GPM6A: variants seen among roughly 807,000 people sequenced by gnomAD.
GPM6A encodes glycoprotein M6A, also known as neuronal membrane glycoprotein M6-a.
A neutral mutation model predicts 32.1 loss-of-function variants in GPM6A; 7 were observed. That is an observed-to-expected ratio of 0.22 (90% CI 0.12 to 0.41). The LOEUF (loss-of-function observed/expected upper bound fraction) is 0.41, where lower values mean the gene tolerates loss of function less well. Ranked by LOEUF, GPM6A falls within the 10% of genes least tolerant of loss-of-function variation. GPM6A has a pLI of 1.00. For missense variants in GPM6A, 235 were observed against 347.2 expected, an observed-to-expected ratio of 0.68 and a Z score of 2.57; for synonymous variants, 130 against 123.4, an observed-to-expected ratio of 1.05 and a Z score of -0.35.
chr4:175,673,831 T>C lies in GPM6A; in HGVS notation c.236A>G (p.Asp79Gly). The C allele has an allele frequency of 6.3e-7, 1 of 1,591,454 alleles. No individual in the cohort carries two copies. Among genetic ancestry groups the C allele is most frequent in the Non-Finnish European group, 8.6e-7 (1 of 1,163,714 alleles). The change falls in exon 3 of 7, where the codon GAC (aspartate) becomes GGC (glycine). Residue 79 changes from aspartate to glycine, a missense_variant. Physicochemically the swap from Asp to Gly is moderately conservative, Grantham distance 94 (BLOSUM62 -1). Around this residue, in one of 3 missense-constraint regions of GPM6A, gnomAD observed 101 missense variants for 171.2 expected, o/e 0.59. Transcript: ENST00000393658. ...GDTLDVFTMI[D>G]IFKYVIYGIA... Reference sequence around the variant, plus strand: ...GCCGTAGATCACATACTTAAAGATGTCAATCCTGAGAGAAAAGACAAAGTG... The same window carrying C: ...GCCGTAGATCACATACTTAAAGATGCCAATCCTGAGAGAAAAGACAAAGTG...
At chr4:175,813,765 T>C (rs539336180), upstream of GPM6A, among the ~76,000 whole-genome samples, 82 of 152,304 alleles carry the variant, frequency 5.4e-4, no homozygotes, top group African/African-American at 1.9e-3. Context: ...AAAGCAGCTA[T>C]TTAGAGGAAA....
At chr4:175,693,148 C>T (rs1347536710) in intron 2 of GPM6A, among the ~76,000 whole-genome samples, 2 of 151,806 alleles carry the variant, frequency 1.3e-5, no homozygotes, top group Non-Finnish European at 2.9e-5. Flanking sequence ...TCTTGCTCTG[C>T]TATGCATTTC....
chr4:175,899,359 A>G (rs774834110), intron 1 of GPM6A, among the ~76,000 whole-genome samples: 2 of 152,228 alleles, frequency 1.3e-5, no homozygotes, highest in Admixed American at 1.3e-4. Context: ...AAAGATATAT[A>G]AATAGACAAT....
intron 1 of GPM6A, among the ~76,000 whole-genome samples, chr4:175,720,282 G>A (rs1026731439): frequency 6.6e-6 from 1 of 152,136 alleles, no homozygotes; most frequent in Non-Finnish European, 1.5e-5. Flanking sequence ...GCCTACATAT[G>A]AAAACCTGCA....
At chr4:175,936,565 A>C (rs1182972814) in intron 1 of GPM6A, among the ~76,000 whole-genome samples, 1 of 152,152 alleles carries the variant, frequency 6.6e-6, no homozygotes, top group African/African-American at 2.4e-5. Context: ...GAATTCATAA[A>C]TAAATAACTA....
chr4:175,760,895 AC>A (rs1376445901), intron 1 of GPM6A, among the ~76,000 whole-genome samples: 1 of 152,234 alleles, frequency 6.6e-6, no homozygotes, highest in Admixed American at 6.5e-5. Flanking sequence ...CATCTTGATG[AC>A]CACAGAATGA....
At chr4:175,990,473 A>G (rs34103959) in intron 1 of GPM6A, among the ~76,000 whole-genome samples, 22,891 of 152,134 alleles carry the variant, frequency 0.15, 1,868 homozygotes, top group East Asian at 0.24. Flanking sequence ...CAATGAAAGC[A>G]TAAGTCCTTT....
At chr4:175,966,809 T>A (rs1457911168) in intron 1 of GPM6A, among the ~76,000 whole-genome samples, 1 of 152,124 alleles carries the variant, frequency 6.6e-6, no homozygotes, top group East Asian at 1.9e-4. Flanking sequence ...TAAAAGAAAT[T>A]AAATCAATAA....
rs144407563 is a variant in GPM6A at position 175,762,358 on chromosome 4, T to A, written c.37+49833A>T. Among the ~76,000 whole-genome samples the A allele has an allele frequency of 5.6e-3, 860 of 152,324 alleles. 10 individuals carry two copies. The highest frequency in any genetic ancestry group is 0.02 in the African/African-American group (816 of 41,578). ...TCATACAACATGTTTGCCACATTTT[T>A]ATTCACTCATTTATTTATTCTTTCA... On this transcript the variant is annotated intron_variant, in intron 1 of 6. Transcript: ENST00000393658.
chr4:175,784,165 G>T (rs1010389985), intron 1 of GPM6A, among the ~76,000 whole-genome samples: 1 of 152,018 alleles, frequency 6.6e-6, no homozygotes, highest in Non-Finnish European at 1.5e-5. Context: ...CATCACTTTT[G>T]TCCTAGTCTT....
intron 1 of GPM6A, among the ~76,000 whole-genome samples, chr4:175,712,779 C>T (rs1052815453): frequency 6.6e-6 from 1 of 152,178 alleles, no homozygotes; most frequent in Non-Finnish European, 1.5e-5. Context: ...GTTTCTTGAG[C>T]ACCTGTTTCT....
At chr4:175,766,321 A>G (rs2111221842) in intron 1 of GPM6A, among the ~76,000 whole-genome samples, 1 of 152,324 alleles carries the variant, frequency 6.6e-6, no homozygotes, top group East Asian at 1.9e-4. Flanking sequence ...AAGGGTTAGA[A>G]AGGTAAGTGA....
At chr4:175,834,877 A>G (rs1318411375) in intron 1 of GPM6A, among the ~76,000 whole-genome samples, 3 of 152,168 alleles carry the variant, frequency 2.0e-5, no homozygotes, top group Non-Finnish European at 4.4e-5. Context: ...TGGTAAGTGT[A>G]TTTCTTTTCA....
intron 1 of GPM6A, among the ~76,000 whole-genome samples, chr4:175,997,494 A>G (rs1473686752): frequency 6.6e-6 from 1 of 152,134 alleles, no homozygotes; most frequent in Non-Finnish European, 1.5e-5. Flanking sequence ...TACTGGATCA[A>G]GAGCTGAGCT....
intron 1 of GPM6A, among the ~76,000 whole-genome samples, chr4:175,936,073 A>AG (rs1739213381): frequency 6.6e-6 from 1 of 151,704 alleles, no homozygotes; most frequent in Non-Finnish European, 1.5e-5. Context: ...TGGGAGGCCG[A>AG]GGGGGGTGGA....
At chr4:175,995,376 T>TAAA (rs10541049) in intron 1 of GPM6A, among the ~76,000 whole-genome samples, 16 of 96,308 alleles carry the variant, frequency 1.7e-4, no homozygotes, top group African/African-American at 3.4e-4. Flanking sequence ...TTTCAATTTG[T>TAAA]AAAAAAAAAA....
intron 1 of GPM6A, among the ~76,000 whole-genome samples, chr4:175,795,586 C>T (rs955192948): frequency 6.6e-6 from 1 of 151,796 alleles, no homozygotes; most frequent in Non-Finnish European, 1.5e-5. Context: ...CCTATCTCTA[C>T]AAAAACTTTT....
chr4:175,972,491 A>C (rs1169283904), intron 1 of GPM6A, among the ~76,000 whole-genome samples: 1 of 152,210 alleles, frequency 6.6e-6, no homozygotes, highest in East Asian at 1.9e-4. Flanking sequence ...GATCAACCAT[A>C]CTACCTTGGA....
intron 1 of GPM6A, among the ~76,000 whole-genome samples, chr4:175,757,740 T>C (rs909967423): frequency 6.6e-6 from 1 of 152,140 alleles, no homozygotes; most frequent in Admixed American, 6.6e-5. Flanking sequence ...GAGAGAATCA[T>C]ATGCTCATTA....
Sources: gnomAD v4.1 joint callset for allele counts (sites outside exome capture counted in the v4.1 genomes callset) on GRCh38, gnomAD v4.1.1 for gene constraint, gnomAD v4.1.1 regional missense constraint, MANE v1.5 for transcripts, NCBI Gene and HGNC (gene_info 2026-07-23, HGNC 2026-07-21) for gene names.